SCD5: variants seen among roughly 807,000 people sequenced by gnomAD.
SCD5 encodes the protein acyl-CoA-desaturase 4.
SCD5 carries 20 observed loss-of-function variants against 30.4 expected under a neutral mutation model. That is an observed-to-expected ratio of 0.66 (90% CI 0.46 to 0.96). SCD5 has a LOEUF of 0.96. Among genes scored for constraint, SCD5 ranks in the 40% least tolerant of loss-of-function variants. The probability of loss-of-function intolerance (pLI) is 0.00; values close to 1 mark genes in which losing one functional copy is unlikely to be tolerated. For synonymous variants in SCD5, 173 were observed against 176.4 expected, an observed-to-expected ratio of 0.98 and a Z score of 0.16; for missense variants, 381 against 443.3, an observed-to-expected ratio of 0.86 and a Z score of 1.26.
intron 2 of SCD5, 85 bp from the exon 3 acceptor site, chr4:82,680,997 C>T (rs2276883): frequency 0.68 from 752,427 of 1,113,512 alleles, 257,435 homozygotes; most frequent in Non-Finnish European, 0.72. Flanking sequence ...TCCCCTCCCC[C>T]ACCAGTCCTC....
chr4:82,719,370 C>T (rs954486352), intron 1 of SCD5, among the ~76,000 whole-genome samples: 2 of 151,658 alleles, frequency 1.3e-5, no homozygotes, highest in African/African-American at 4.9e-5. Context: ...CCACTAGACA[C>T]AGTAGGCACA....
At chr4:82,795,081 G>A (rs943737925) in intron 1 of SCD5, among the ~76,000 whole-genome samples, 2 of 152,196 alleles carry the variant, frequency 1.3e-5, no homozygotes, top group Non-Finnish European at 2.9e-5. Flanking sequence ...CTGGCCCCAA[G>A]GAGAACTAAC....
chr4:82,772,091 T>C (rs990750511), intron 1 of SCD5, among the ~76,000 whole-genome samples: 10 of 152,212 alleles, frequency 6.6e-5, no homozygotes, highest in Non-Finnish European at 2.9e-5. Context: ...AAAATTTTGA[T>C]GGCGATTTCA....
intron 3 of SCD5, among the ~76,000 whole-genome samples, chr4:82,639,177 G>C (rs1727490901): frequency 6.6e-6 from 1 of 152,178 alleles, no homozygotes; most frequent in Non-Finnish European, 1.5e-5. Context: ...CCATTTTCTA[G>C]TCACTGGGAT....
chr4:82,682,440 T>C (rs957295381), intron 2 of SCD5, among the ~76,000 whole-genome samples: 2 of 152,138 alleles, frequency 1.3e-5, no homozygotes, highest in African/African-American at 2.4e-5. Context: ...TTTGAGAAGA[T>C]GAATTAAATT....
At chr4:82,713,931 G>A (rs1720164706) in intron 1 of SCD5, among the ~76,000 whole-genome samples, 1 of 152,056 alleles carries the variant, frequency 6.6e-6, no homozygotes, top group Non-Finnish European at 1.5e-5. Context: ...CCCAGGCTCC[G>A]CCACCTCTAC....
chr4:82,752,273 T>TTATATATATATA lies in SCD5; in HGVS notation c.232+46021_232+46032dup, dbSNP rs139910934. On this transcript the variant is annotated intron_variant, in intron 1 of 4. Coordinates refer to ENST00000319540, the MANE Select transcript of SCD5 (RefSeq NM_001037582.3). ...AAGGTTGACCTTGAATTTTAAAAAA[T>TTATATATATATA]TATATATATATATATATATGCAAAA... is the stretch of plus-strand genomic sequence containing the variant. 3.2e-3 allele frequency among the ~76,000 whole-genome samples: 465 copies of TTATATATATATA among 145,638 alleles called. 4 individuals carry two copies. The highest frequency in any genetic ancestry group is 0.011 in the African/African-American group (436 of 39,734).
At chr4:82,640,392 TA>T (rs1354758029) in intron 3 of SCD5, among the ~76,000 whole-genome samples, 9 of 151,826 alleles carry the variant, frequency 5.9e-5, no homozygotes, top group South Asian at 2.1e-4. Flanking sequence ...AAGACATTCT[TA>T]AAAAAAAATC....
intron 1 of SCD5, among the ~76,000 whole-genome samples, chr4:82,783,273 G>C (rs972354505): frequency 1.3e-5 from 2 of 152,170 alleles, no homozygotes; most frequent in Non-Finnish European, 2.9e-5. Flanking sequence ...GTAGGAAAAA[G>C]GTTGCCCCCA....
chr4:82,649,443 T>C (rs532520747), intron 3 of SCD5, among the ~76,000 whole-genome samples: 1 of 152,198 alleles, frequency 6.6e-6, no homozygotes, highest in South Asian at 2.1e-4. Context: ...GTTCAAAATA[T>C]TTGGATTGGC....
intron 3 of SCD5, among the ~76,000 whole-genome samples, chr4:82,637,189 A>G (rs377072502): frequency 3.3e-5 from 5 of 152,188 alleles, no homozygotes; most frequent in Non-Finnish European, 5.9e-5. Flanking sequence ...GATTTCTTTC[A>G]TCAATCAACC....
chr4:82,740,592 C>T (rs1720851862), intron 1 of SCD5, among the ~76,000 whole-genome samples: 1 of 152,170 alleles, frequency 6.6e-6, no homozygotes, highest in Non-Finnish European at 1.5e-5. Context: ...AATGAAAGCA[C>T]CTGCCTGGCC....
At chr4:82,668,602 A>G (rs1728241645) in intron 3 of SCD5, among the ~76,000 whole-genome samples, 1 of 152,262 alleles carries the variant, frequency 6.6e-6, no homozygotes, top group African/African-American at 2.4e-5. Context: ...AAAATGCCAC[A>G]TGCCTCATGG....
chr4:82,712,271 TATATATATATATATATATATA>T (rs1720115487), intron 1 of SCD5, among the ~76,000 whole-genome samples: 1 of 49,864 alleles, frequency 2.0e-5, no homozygotes, highest in African/African-American at 1.4e-4. Context: ...TATATATATA[TATATATATATATATATATATA>T]TATATTTTAT....
chr4:82,720,262 T>C (rs1720338017), intron 1 of SCD5, among the ~76,000 whole-genome samples: 1 of 151,686 alleles, frequency 6.6e-6, no homozygotes, highest in Admixed American at 6.6e-5. Flanking sequence ...ACACCATCTC[T>C]ACAGAAAAAT....
At chr4:82,733,845 TC>T (rs1176631456) in intron 1 of SCD5, among the ~76,000 whole-genome samples, 3 of 152,122 alleles carry the variant, frequency 2.0e-5, no homozygotes, top group African/African-American at 7.2e-5. Context: ...ACCCTCTGAC[TC>T]AGAACTGCCC....
At chr4:82,719,138 T>C (rs1347940453) in intron 1 of SCD5, among the ~76,000 whole-genome samples, 1 of 151,808 alleles carries the variant, frequency 6.6e-6, no homozygotes, top group Non-Finnish European at 1.5e-5. Flanking sequence ...TTTTAAAATC[T>C]CTTTTTCTGG....
At chr4:82,735,888 T>A (rs1330631888) in intron 1 of SCD5, among the ~76,000 whole-genome samples, 1 of 152,242 alleles carries the variant, frequency 6.6e-6, no homozygotes, top group Admixed American at 6.5e-5. Context: ...TCATTATCCA[T>A]CGTTTCACTT....
At chr4:82,735,353 GGTGGGATGGT>G (rs2148837034) in intron 1 of SCD5, among the ~76,000 whole-genome samples, 1 of 152,250 alleles carries the variant, frequency 6.6e-6, no homozygotes, top group Non-Finnish European at 1.5e-5. Flanking sequence ...TGGGCCCTAT[GGTGGGATGGT>G]GTCCTGTCCA....
Sources: gnomAD v4.1 joint callset for allele counts (sites outside exome capture counted in the v4.1 genomes callset) on GRCh38, gnomAD v4.1.1 for gene constraint, MANE v1.5 for transcripts, NCBI Gene and HGNC (gene_info 2026-07-23, HGNC 2026-07-21) for gene names.